AUTS2: variants seen among roughly 807,000 people sequenced by gnomAD.
The protein encoded by AUTS2 is autism susceptibility gene 2 protein.
A neutral mutation model predicts 112.4 loss-of-function variants in AUTS2; 17 were observed. The ratio of observed to expected loss-of-function variants is 0.15; its 90% CI spans 0.10 to 0.23. The LOEUF is 0.23. Among genes scored for constraint, AUTS2 ranks in the 10% least tolerant of loss-of-function variants. The pLI is 1.00. For missense variants in AUTS2, 1,510 were observed against 1,701.6 expected (o/e 0.89, Z 1.98); for synonymous variants, 751 against 702.7 (o/e 1.07, Z -1.09).
At chr7:70,256,011 C>T (rs1433309024) in intron 4 of AUTS2, among the ~76,000 whole-genome samples, 1 of 152,100 alleles carries the variant, frequency 6.6e-6, no homozygotes, top group African/African-American at 2.4e-5. Flanking sequence ...CTTATCTTTC[C>T]CTGAACACCA....
chr7:70,019,497 AT>A (rs1468499198), intron 2 of AUTS2, among the ~76,000 whole-genome samples: 2 of 152,186 alleles, frequency 1.3e-5, no homozygotes, highest in African/African-American at 2.4e-5. Context: ...TTTTTATTGT[AT>A]ATTGGTTTGT....
At chr7:69,858,067 C>T (rs1278111105) in intron 1 of AUTS2, among the ~76,000 whole-genome samples, 4 of 152,088 alleles carry the variant, frequency 2.6e-5, no homozygotes, top group Admixed American at 6.5e-5. Context: ...GCTGTCTACC[C>T]CCAGTCTGTT....
chr7:70,311,035 A>G (rs1789726229), intron 4 of AUTS2, among the ~76,000 whole-genome samples: 1 of 152,350 alleles, frequency 6.6e-6, no homozygotes, highest in Middle Eastern at 3.4e-3. Flanking sequence ...TTTCAAAAGC[A>G]GTTCCTAGAA....
At chr7:69,933,990 G>A (rs1026330253) in intron 2 of AUTS2, among the ~76,000 whole-genome samples, 1 of 152,144 alleles carries the variant, frequency 6.6e-6, no homozygotes, top group African/African-American at 2.4e-5. Context: ...GCACTGGTTT[G>A]TACTGTTCTC....
intron 4 of AUTS2, among the ~76,000 whole-genome samples, chr7:70,317,688 AC>A (rs1365410232): frequency 1.3e-5 from 2 of 152,188 alleles, no homozygotes; most frequent in Non-Finnish European, 2.9e-5. Flanking sequence ...ACTAGGGCTT[AC>A]AAAAAGCTCC....
chr7:70,189,519 C>T lies in AUTS2; in HGVS notation c.660+54948C>T, dbSNP rs111528219. Among the ~76,000 whole-genome samples the T allele has an allele frequency of 1.9e-3, 295 of 152,272 alleles. 7 individuals are homozygous for T. The highest frequency in any genetic ancestry group is 8.3e-3 in the South Asian group (40 of 4,820). On this transcript the variant is annotated intron_variant, in intron 4 of 18. Transcript: ENST00000342771. Reference sequence around the variant, plus strand: ...CATTTTGGTGGAATATGGTGTGTTACGTAAAGCTTGGTGCTAGATTAATGC... The same window carrying T: ...CATTTTGGTGGAATATGGTGTGTTATGTAAAGCTTGGTGCTAGATTAATGC...
rs113441589 is a variant in AUTS2 at position 69,933,904 on chromosome 7, A to T, written c.522+34406A>T. 7.9e-5 allele frequency among the ~76,000 whole-genome samples: 12 copies of T among 152,326 alleles called. 1 individual carries two copies. Among genetic ancestry groups the T allele is most frequent in the Admixed American group, 2.0e-4 (3 of 15,298 alleles). On this transcript the variant is annotated intron_variant, in intron 2 of 18. Transcript: ENST00000342771. ...ATACACATAGGATGACAATAGTCAC[A>T]AAACTCTTTCCGTACTTAGAAGACT...
intron 5 of AUTS2, among the ~76,000 whole-genome samples, chr7:70,626,331 C>CT (rs1288477394): frequency 2.1e-5 from 3 of 142,274 alleles, no homozygotes; most frequent in African/African-American, 8.0e-5. Flanking sequence ...TGCATCCAGC[C>CT]TGGGCAACAT....
In AUTS2 at chr7:70,482,778, T is replaced by C. The variant is rs34003347; in HGVS notation, c.690+46997T>C. Among the ~76,000 whole-genome samples, 1,042 of 152,320 alleles carry C rather than the reference T, an allele frequency of 6.8e-3. 3 individuals carry two copies. Among genetic ancestry groups the C allele is most frequent in the Middle Eastern group, 0.014 (4 of 294 alleles). ...CAATAAGAGTGAGGAGCATCGTTTA[T>C]GCAGCCCCATTCCTGCTGCTTTCTC... is the stretch of plus-strand genomic sequence containing the variant. On this transcript the variant is annotated intron_variant, in intron 5 of 18. Coordinates refer to ENST00000342771, the MANE Select transcript of AUTS2 (RefSeq NM_015570.4).
At chr7:70,642,717 TC>T (rs1191791537) in intron 5 of AUTS2, among the ~76,000 whole-genome samples, 1 of 152,218 alleles carries the variant, frequency 6.6e-6, no homozygotes, top group Non-Finnish European at 1.5e-5. Flanking sequence ...TCTGAGTATC[TC>T]CTTCCATTCC....
chr7:70,454,706 GT>G (rs978013943), intron 5 of AUTS2, among the ~76,000 whole-genome samples: 1 of 152,110 alleles, frequency 6.6e-6, no homozygotes, highest in Non-Finnish European at 1.5e-5. Flanking sequence ...TCGCCTTTGA[GT>G]TTCTAACTCT....
chr7:69,962,040 A>G (rs535090207), intron 2 of AUTS2, among the ~76,000 whole-genome samples: 2 of 152,220 alleles, frequency 1.3e-5, no homozygotes, highest in East Asian at 1.9e-4. Flanking sequence ...TGCCCTGATG[A>G]TACGTATGGC....
At chr7:70,417,840 A>G (rs1795050076) in intron 4 of AUTS2, among the ~76,000 whole-genome samples, 1 of 152,110 alleles carries the variant, frequency 6.6e-6, no homozygotes, top group Non-Finnish European at 1.5e-5. Context: ...ACAAGCTGCA[A>G]AGTCCAGAAG....
At chr7:69,785,158 A>G (rs1789312513) in intron 1 of AUTS2, among the ~76,000 whole-genome samples, 1 of 152,258 alleles carries the variant, frequency 6.6e-6, no homozygotes, top group Non-Finnish European at 1.5e-5. Context: ...TACCTAAAAT[A>G]TTTTGAACAC....
chr7:70,748,980 G>A (rs1029681627), intron 6 of AUTS2, among the ~76,000 whole-genome samples: 1 of 152,178 alleles, frequency 6.6e-6, no homozygotes, highest in Admixed American at 6.5e-5. Context: ...CAAGGCTCTG[G>A]AACTCCCTTT....
intron 14 of AUTS2, among the ~76,000 whole-genome samples, chr7:70,777,510 T>G (rs533493682): frequency 6.6e-6 from 1 of 152,080 alleles, no homozygotes; most frequent in Admixed American, 6.5e-5. Context: ...TTGATTGTTG[T>G]TTTTGTAGAG....
At chr7:70,290,359 C>G (rs774509166) in intron 4 of AUTS2, 38 of 1,474,472 alleles carry the variant, frequency 2.6e-5, no homozygotes, top group Middle Eastern at 1.7e-4. Context: ...TTTCATGTTT[C>G]CATTTCAGAG....
At chr7:69,805,392 T>G (rs1000564403) in intron 1 of AUTS2, among the ~76,000 whole-genome samples, 5 of 152,036 alleles carry the variant, frequency 3.3e-5, no homozygotes, top group Non-Finnish European at 5.9e-5. Context: ...AGGAGACAAA[T>G]AATACGCAGA....
At position 70,538,339 on chromosome 7, in the gene AUTS2, C is replaced by T. The variant is rs887111588; in HGVS notation, c.690+102558C>T. On this transcript the variant is annotated intron_variant, in intron 5 of 18. Transcript: ENST00000342771. ...GGTCAGGAGTTCAAGACCAGCCTGG[C>T]CAATATGGTGAAACCCCGTCTCTAC... Among the ~76,000 whole-genome samples, 8 of 152,148 alleles carry T rather than the reference C, an allele frequency of 5.3e-5. No individual in the cohort carries two copies. In the East Asian group the frequency reaches 1.4e-3, roughly 26 times the overall value.
Sources: allele counts gnomAD v4.1 joint callset (sites outside exome capture counted in the v4.1 genomes callset), GRCh38; gene constraint gnomAD v4.1.1; transcripts MANE v1.5; gene names NCBI Gene and HGNC (gene_info 2026-07-23, HGNC 2026-07-21).